ALDH1L2: variants seen among roughly 807,000 people sequenced by gnomAD.
ALDH1L2 encodes aldehyde dehydrogenase 1 family member L2, also known as mitochondrial 10-formyltetrahydrofolate dehydrogenase.
ALDH1L2 carries 91 observed loss-of-function variants against 111.0 expected under a neutral mutation model. The observed-to-expected ratio is 0.82, with a 90% CI of 0.69 to 0.98. ALDH1L2 has a LOEUF of 0.98. Among genes scored for constraint, ALDH1L2 ranks in the 50% least tolerant of loss-of-function variants. The probability of loss-of-function intolerance (pLI) is 0.00; values close to 1 mark genes in which losing one functional copy is unlikely to be tolerated. For missense variants in ALDH1L2, 995 were observed against 1,126.8 expected (o/e 0.88, Z 1.67); for synonymous variants, 374 against 392.6 (o/e 0.95, Z 0.56).
At chr12:105,064,162 TA>T (rs1877204846) in intron 6 of ALDH1L2, among the ~76,000 whole-genome samples, 2 of 105,112 alleles carry the variant, frequency 1.9e-5, no homozygotes, top group South Asian at 3.6e-4. Flanking sequence ...TTTGTATTTT[TA>T]GTAGAGACAG....
At chr12:105,058,998 G>A (rs753516169) in intron 9 of ALDH1L2, among the ~76,000 whole-genome samples, 1 of 152,034 alleles carries the variant, frequency 6.6e-6, no homozygotes, top group East Asian at 1.9e-4. Context: ...GCCGGGTGCG[G>A]TGGCTCACAC....
intron 1 of ALDH1L2, among the ~76,000 whole-genome samples, chr12:105,081,099 C>T (rs557485909): frequency 2.6e-5 from 4 of 152,108 alleles, no homozygotes; most frequent in Non-Finnish European, 5.9e-5. Flanking sequence ...AGAATATGCA[C>T]AGGTTATATA....
At chr12:105,034,531 G>C in intron 18 of ALDH1L2, 133 bp from the exon 19 acceptor site, 1 of 691,328 alleles carries the variant, frequency 1.4e-6, no homozygotes. Flanking sequence ...CAATCCTCTT[G>C]GCCTTGTTAG....
At position 105,052,089 on chromosome 12, in the gene ALDH1L2, C is replaced by CCT. The variant is rs1565960438; in HGVS notation, c.1534_1535dup (p.Leu513AspfsTer29). 6.3e-7 allele frequency: 1 copy of CCT among 1,596,492 alleles called. No individual in the cohort carries two copies. Among genetic ancestry groups the CCT allele is most frequent in the Non-Finnish European group, 8.5e-7 (1 of 1,173,502 alleles). On this transcript the variant is annotated frameshift_variant and splice_region_variant. Coordinates refer to ENST00000258494, the MANE Select transcript of ALDH1L2 (RefSeq NM_001034173.4). LOFTEE classifies it high-confidence loss of function. ...AATAAAAAAATAAAAAATAGAAATACCTATACATCAATCTTCCTCTTTCTC... is the reference window on the plus strand; with the variant it reads ...AATAAAAAAATAAAAAATAGAAATACCTCTATACATCAATCTTCCTCTTTCTC...
chr12:105,035,539 A>T (rs1874938103), intron 18 of ALDH1L2, among the ~76,000 whole-genome samples: 1 of 152,010 alleles, frequency 6.6e-6, no homozygotes, highest in South Asian at 2.1e-4. Flanking sequence ...GCTGGTCATG[A>T]ACCCCAAGGC....
intron 11 of ALDH1L2, 62 bp downstream of exon 11, chr12:105,052,750 A>T: frequency 6.3e-7 from 1 of 1,597,442 alleles, no homozygotes; most frequent in Non-Finnish European, 8.5e-7. Flanking sequence ...CCTCTTTTAC[A>T]ATGGTGTATT....
chr12:105,054,690 T>G (rs1876504394), intron 10 of ALDH1L2, among the ~76,000 whole-genome samples: 1 of 152,200 alleles, frequency 6.6e-6, no homozygotes, highest in African/African-American at 2.4e-5. Flanking sequence ...TTTTCTGGTT[T>G]TAGAGGCAGG....
intron 13 of ALDH1L2, among the ~76,000 whole-genome samples, chr12:105,049,048 T>A (rs12425124): frequency 8.5e-4 from 53 of 62,110 alleles, no homozygotes; most frequent in Middle Eastern, 9.8e-3. Context: ...GAAAAAAAAA[T>A]TTTTTTTTAA....
At chr12:105,031,243 T>C (rs576726814) in intron 20 of ALDH1L2, among the ~76,000 whole-genome samples, 1 of 152,188 alleles carries the variant, frequency 6.6e-6, no homozygotes, top group Non-Finnish European at 1.5e-5. Context: ...CCACCATCCA[T>C]TTTCATTAAC....
intron 12 of ALDH1L2, among the ~76,000 whole-genome samples, chr12:105,051,777 G>T (rs1451679216): frequency 7.6e-5 from 10 of 131,142 alleles, no homozygotes; most frequent in East Asian, 2.2e-4. Context: ...ACTTTGTTTT[G>T]CTTCTTTTTT....
chr12:105,027,006 A>G (rs1273833303), intron 21 of ALDH1L2, among the ~76,000 whole-genome samples: 2 of 152,162 alleles, frequency 1.3e-5, no homozygotes, highest in Non-Finnish European at 2.9e-5. Flanking sequence ...AGTAGCGGGG[A>G]CTACAGGCAT....
At position 105,068,739 on chromosome 12, in the gene ALDH1L2, G is replaced by A; in HGVS notation, c.574C>T (p.Pro192Ser). Residue 192 changes from proline (P) to serine (S), a missense_variant, in exon 4 of 23, where the codon CCT becomes TCT. Transcript: ENST00000258494. ...CTAACCATGGCCTTGATTCCTTCAG[G>A]AAAAAGAAACCGATTATAAAGTGCA... ...VDALYNRFLF[P>S]EGIKAMVEAV... 1 of 1,545,528 alleles carries A rather than the reference G, an allele frequency of 6.5e-7. No homozygotes were observed. Among genetic ancestry groups the A allele is most frequent in the Non-Finnish European group, 8.7e-7 (1 of 1,146,952 alleles).
chr12:105,041,335 G>C (rs1486364681), intron 15 of ALDH1L2, among the ~76,000 whole-genome samples: 1 of 152,172 alleles, frequency 6.6e-6, no homozygotes, highest in African/African-American at 2.4e-5. Context: ...GTCTGGATTT[G>C]TCTGATGTTT....
intron 5 of ALDH1L2, among the ~76,000 whole-genome samples, chr12:105,065,890 T>C (rs1343515162): frequency 6.6e-6 from 1 of 152,144 alleles, no homozygotes; most frequent in East Asian, 1.9e-4. Context: ...TGCAGGGAGG[T>C]TGTATAGTGG....
Position 105,036,508 on chromosome 12 carries a change from TA to T in ALDH1L2, c.2145+1594del, listed in dbSNP as rs1438632346. On this transcript the variant is annotated intron_variant, in intron 18 of 22. Coordinates refer to ENST00000258494, the MANE Select transcript of ALDH1L2 (RefSeq NM_001034173.4). ...ATACGTATATTTATATATGTATATA[TA>T]TATTTTATATATATATATATATATA... Among the ~76,000 whole-genome samples the T allele has an allele frequency of 4.7e-5, 4 of 84,350 alleles. 1 individual carries two copies. Among genetic ancestry groups the T allele is most frequent in the African/African-American group, 8.3e-5 (2 of 23,984 alleles). 55.3% of individuals were successfully genotyped at this position (84,350 alleles called of 152,430 possible).
rs117445550 is a variant in ALDH1L2, at chr12:105,064,774, C to T, written c.786+493G>A. Among the ~76,000 whole-genome samples, 1,219 of 152,316 alleles carry T rather than the reference C, an allele frequency of 8.0e-3. 6 individuals carry two copies. The highest frequency in any genetic ancestry group is 0.013 in the Non-Finnish European group (891 of 68,028). Reference sequence around the variant, plus strand: ...GAGTCAATTACCCATGGATAGAAGACCCTTCAGGCCCTGCCCGCCTCTCCC... The same window carrying T: ...GAGTCAATTACCCATGGATAGAAGATCCTTCAGGCCCTGCCCGCCTCTCCC... On this transcript the variant is annotated intron_variant, in intron 6 of 22. Transcript: ENST00000258494.
chr12:105,046,193 C>G (rs4331188), intron 15 of ALDH1L2, among the ~76,000 whole-genome samples: 16 of 20,184 alleles, frequency 7.9e-4, no homozygotes, highest in African/African-American at 3.2e-3. Flanking sequence ...CTCTCTCTCT[C>G]TATATATATA....
At chr12:105,053,397 T>C (rs1040347031) in intron 10 of ALDH1L2, among the ~76,000 whole-genome samples, 6 of 152,230 alleles carry the variant, frequency 3.9e-5, no homozygotes, top group African/African-American at 1.2e-4. Context: ...GTTGCGTAAA[T>C]TGTACTCTCT....
intron 10 of ALDH1L2, 144 bp downstream of exon 10, chr12:105,057,929 T>G: frequency 9.8e-7 from 1 of 1,021,960 alleles, no homozygotes; most frequent in Non-Finnish European, 1.3e-6. Flanking sequence ...AAAGGGGAAT[T>G]TTATGCCATC....
Sources: gnomAD v4.1 joint callset for allele counts (sites outside exome capture counted in the v4.1 genomes callset) on GRCh38, gnomAD v4.1.1 for gene constraint, MANE v1.5 for transcripts, NCBI Gene and HGNC (gene_info 2026-07-23, HGNC 2026-07-21) for gene names.